PLEK2: variants seen among roughly 807,000 people sequenced by gnomAD.
The protein encoded by PLEK2 is pleckstrin-2.
A neutral mutation model predicts 43.8 loss-of-function variants in PLEK2; 29 were observed. The observed-to-expected ratio is 0.66, with a 90% CI of 0.49 to 0.90. The LOEUF is 0.90. PLEK2 is among the 40% of genes least tolerant of loss of function. The pLI is 0.00. For synonymous variants in PLEK2, 162 were observed against 173.2 expected (o/e 0.94, Z 0.51); for missense variants, 398 against 448.1 (o/e 0.89, Z 1.01).
intron 1 of PLEK2, among the ~76,000 whole-genome samples, chr14:67,404,075 T>C (rs955102836): frequency 1.3e-5 from 2 of 151,636 alleles, no homozygotes; most frequent in African/African-American, 2.4e-5. Flanking sequence ...GAAAATAATA[T>C]AGATTATAGA....
intron 1 of PLEK2, among the ~76,000 whole-genome samples, chr14:67,411,136 CAAA>C (rs925514488): frequency 3.8e-5 from 2 of 52,062 alleles, no homozygotes; most frequent in Non-Finnish European, 4.1e-5. Flanking sequence ...GACCCTGTCT[CAAA>C]AAAAAAAAAA....
intron 4 of PLEK2, 147 bp from the exon 5 acceptor site, chr14:67,392,996 C>T: frequency 1.2e-6 from 1 of 866,218 alleles, no homozygotes; most frequent in Non-Finnish European, 1.9e-6. Context: ...CTGCATAGAG[C>T]CGTGGCTGCA....
At chr14:67,397,877 G>C (rs765138796) in intron 1 of PLEK2, 51 bp from the exon 2 acceptor site, 1 of 1,490,942 alleles carries the variant, frequency 6.7e-7, no homozygotes, top group Non-Finnish European at 9.1e-7. Context: ...GGGAGGGTAT[G>C]GTGTTCAGGG....
chr14:67,393,107 TC>T (rs759966701), intron 4 of PLEK2, 42 bp downstream of exon 4: 6 of 1,401,050 alleles, frequency 4.3e-6, no homozygotes, highest in Non-Finnish European at 6.1e-6. Context: ...CATCACCATG[TC>T]CCAGCTTGAC....
chr14:67,392,946 C>T, intron 4 of PLEK2, 97 bp from the exon 5 acceptor site: 1 of 1,076,690 alleles, frequency 9.3e-7, no homozygotes, highest in Non-Finnish European at 1.4e-6. Flanking sequence ...TCTGGGCAGC[C>T]TCAGGGCTCT....
chr14:67,397,764 G>T lies in PLEK2; in HGVS notation c.105C>A (p.Tyr35Ter), dbSNP rs1454662045. Residue 35 changes from tyrosine to a stop codon, truncating the protein, a stop_gained, in exon 2 of 9, where the codon TAC becomes TAA. Coordinates refer to ENST00000216446, the MANE Select transcript of PLEK2 (RefSeq NM_016445.3). LOFTEE classifies it high-confidence loss of function. Reference sequence around the variant, plus strand: ...CTCTCCGACCCCCCTCAAGCTTGTAGTACACCAGCGTGTTCTGCCGAAGGA... The same window carrying T: ...CTCTCCGACCCCCCTCAAGCTTGTATTACACCAGCGTGTTCTGCCGAAGGA... The part of the protein sequence containing the change: ...WFILRQNTLV[Y>*]YKLEGGRRVT... The T allele has an allele frequency of 6.2e-7, 1 of 1,613,312 alleles. No homozygotes were observed. Among genetic ancestry groups the T allele is most frequent in the Non-Finnish European group, 8.5e-7 (1 of 1,179,678 alleles).
chr14:67,392,727 C>A lies in PLEK2; in HGVS notation c.604G>T (p.Gly202Ter). The stretch of plus-strand genomic sequence containing the variant: ...GCCAGATCCCCAGAGCGAATGGCTC[C>A]CATGCTTCGGACACCCACAGGCCTG... ...FLRPVGVRSMGAIRSGDLAEQ... is the reference protein window; with the variant it reads ...FLRPVGVRSM The change falls in exon 5 of 9, where the codon GGA becomes TGA. Residue 202 changes from glycine (G) to a stop codon, truncating the protein, a stop_gained. Coordinates refer to ENST00000216446, the MANE Select transcript of PLEK2 (RefSeq NM_016445.3). LOFTEE classifies it high-confidence loss of function. 1 of 1,614,200 alleles carries A rather than the reference C, an allele frequency of 6.2e-7. No individual in the cohort carries two copies. The highest frequency in any genetic ancestry group is 1.1e-5 in the South Asian group (1 of 91,086).
Position 67,387,023 on chromosome 14 carries a change from A to G in PLEK2, c.*306T>C. 4.3e-6 allele frequency: 1 copy of G among 232,806 alleles called. No individual in the cohort carries two copies. Among genetic ancestry groups the G allele is most frequent in the Non-Finnish European group, 8.3e-6 (1 of 121,190 alleles). 14.4% of individuals were successfully genotyped at this position (232,806 alleles called of 1,614,324 possible). On this transcript the variant is annotated 3_prime_UTR_variant, in exon 9 of 9. Transcript: ENST00000216446. ...TTTTATTCAACATTATGGCATGGCCAGTGTAATTGTTCCAACAAAGGGAAC... is the reference window on the plus strand; with the variant it reads ...TTTTATTCAACATTATGGCATGGCCGGTGTAATTGTTCCAACAAAGGGAAC...
intron 7 of PLEK2, among the ~76,000 whole-genome samples, chr14:67,388,783 G>A (rs1043722649): frequency 3.9e-5 from 6 of 152,050 alleles, no homozygotes; most frequent in African/African-American, 1.2e-4. Context: ...AGGTTCAAGC[G>A]ATTCTCCTGC....
chr14:67,402,242 T>C (rs2086053155), intron 1 of PLEK2, among the ~76,000 whole-genome samples: 1 of 152,252 alleles, frequency 6.6e-6, no homozygotes, highest in Non-Finnish European at 1.5e-5. Context: ...GTCAATTCCA[T>C]GCATGGGGCA....
chr14:67,407,497 G>A (rs1042824475), intron 1 of PLEK2, among the ~76,000 whole-genome samples: 2 of 151,762 alleles, frequency 1.3e-5, no homozygotes, highest in African/African-American at 2.4e-5. Context: ...CTGGAGTGCA[G>A]TGGCATGATC....
intron 1 of PLEK2, among the ~76,000 whole-genome samples, chr14:67,398,400 A>G (rs1161522396): frequency 6.6e-6 from 1 of 152,032 alleles, no homozygotes; most frequent in African/African-American, 2.4e-5. Flanking sequence ...ATTTTTCTAG[A>G]AATAGGCTCT....
chr14:67,392,222 G>T, intron 6 of PLEK2, 104 bp downstream of exon 6: 1 of 792,670 alleles, frequency 1.3e-6, no homozygotes, highest in Non-Finnish European at 2.2e-6. Flanking sequence ...TGCTGTAATT[G>T]GTGCCCTCCA....
intron 1 of PLEK2, among the ~76,000 whole-genome samples, chr14:67,404,571 A>G (rs1566630684): frequency 6.6e-6 from 1 of 152,172 alleles, no homozygotes; most frequent in Non-Finnish European, 1.5e-5. Context: ...GCACTTTGGG[A>G]TGCTAAGATG....
At position 67,387,351 on chromosome 14, in the gene PLEK2, T is replaced by G. The variant is rs759324362; in HGVS notation, c.1040A>C (p.Glu347Ala). Residue 347 changes from glutamate (E) to alanine (A), a missense_variant, in exon 9 of 9, where the codon GAA becomes GCA. Coordinates refer to ENST00000216446, the MANE Select transcript of PLEK2 (RefSeq NM_016445.3). Reference protein sequence around the residue: ...SSKAERAEWIEAIKKLT With the variant: ...SSKAERAEWIAAIKKLT ...TTGTCATGTTAGCTTTTTGATAGCT[T>G]CAATCCACTCGGCTCGCTCAGCCTT... The G allele has an allele frequency of 6.2e-7, 1 of 1,611,574 alleles. No individual in the cohort carries two copies. Among genetic ancestry groups the G allele is most frequent in the Non-Finnish European group, 8.5e-7 (1 of 1,179,158 alleles).
At chr14:67,404,290 T>C (rs996487179) in intron 1 of PLEK2, among the ~76,000 whole-genome samples, 4 of 152,100 alleles carry the variant, frequency 2.6e-5, no homozygotes, top group African/African-American at 7.2e-5. Flanking sequence ...GGCAATGTCT[T>C]TGACATGAGC....
chr14:67,405,160 G>A (rs1377228235), intron 1 of PLEK2, among the ~76,000 whole-genome samples: 1 of 146,570 alleles, frequency 6.8e-6, no homozygotes, highest in African/African-American at 2.6e-5. Context: ...TTGAATCCTG[G>A]AAGTGGAGGT....
At chr14:67,395,720 T>C in intron 2 of PLEK2, 137 bp from the exon 3 acceptor site, 1 of 646,268 alleles carries the variant, frequency 1.5e-6, no homozygotes, top group Non-Finnish European at 2.7e-6. Flanking sequence ...ACATAGCAGG[T>C]AGTCTTTAAA....
chr14:67,408,516 A>G (rs564339838), intron 1 of PLEK2, among the ~76,000 whole-genome samples: 5 of 152,258 alleles, frequency 3.3e-5, no homozygotes, highest in African/African-American at 9.6e-5. Context: ...GTCACCCTAG[A>G]CTAGAATGGG....
Sources: allele counts gnomAD v4.1 joint callset (sites outside exome capture counted in the v4.1 genomes callset), GRCh38; gene constraint gnomAD v4.1.1; transcripts MANE v1.5; gene names NCBI Gene and HGNC (gene_info 2026-07-23, HGNC 2026-07-21).